Variants in SERAC1 observed in about 807,000 individuals in gnomAD.
SERAC1 encodes serine active site containing 1.
In SERAC1, 36 loss-of-function variants were observed where a neutral mutation model predicts 85.7. That is an observed-to-expected ratio of 0.42 (90% CI 0.32 to 0.55). The LOEUF (loss-of-function observed/expected upper bound fraction) is 0.55, where lower values mean the gene tolerates loss of function less well. SERAC1 is among the 20% of genes least tolerant of loss of function. The pLI is 0.11. For missense variants in SERAC1, 629 were observed against 796.2 expected, an observed-to-expected ratio of 0.79 and a Z score of 2.53; for synonymous variants, 242 against 265.3, an observed-to-expected ratio of 0.91 and a Z score of 0.85.
chr6:158,113,196 G>A (rs1784188569), intron 16 of SERAC1: 2 of 432,952 alleles, frequency 4.6e-6, no homozygotes, highest in Non-Finnish European at 8.1e-6. Context: ...CACTGTTGAT[G>A]CCTAACTTAG....
In SERAC1 at chr6:158,128,170, A is replaced by T; in HGVS notation, c.953T>A (p.Ile318Lys). 1 of 1,614,216 alleles carries T rather than the reference A, an allele frequency of 6.2e-7. No individual in the cohort carries two copies. Among genetic ancestry groups the T allele is most frequent in the Non-Finnish European group, 8.5e-7 (1 of 1,180,018 alleles). ...AGCCATATTTCCAATGACACGCATT[A>T]TATTTCTCTGTACTTTAGGGCAGTC... is the stretch of plus-strand genomic sequence containing the variant. ...HKDCPKVQRN[I>K]MRVIGNMALN... Residue 318 changes from isoleucine to lysine, a missense_variant, in exon 10 of 17, where the codon ATA becomes AAA. Coordinates refer to ENST00000647468, the MANE Select transcript of SERAC1 (RefSeq NM_032861.4).
chr6:158,150,561 G>C lies in SERAC1; in HGVS notation c.157C>G (p.Leu53Val). 2 of 1,599,778 alleles carry C rather than the reference G, an allele frequency of 1.3e-6. No individual in the cohort carries two copies. The highest frequency in any genetic ancestry group is 2.2e-5 in the South Asian group (2 of 90,584). ...GGSLFLTYEVLALKKAVTLDT... is the reference protein window; with the variant it reads ...GGSLFLTYEVVALKKAVTLDT... Reference sequence around the variant, plus strand: ...AATGTCACAGCCTTCTTCAGGGCCAGAACTTCATATGTAAGAAATAAAGAA... The same window carrying C: ...AATGTCACAGCCTTCTTCAGGGCCACAACTTCATATGTAAGAAATAAAGAA... Residue 53 changes from leucine to valine, a missense_variant, in exon 4 of 17, where the codon CTG becomes GTG. Leu to Val is a conservative substitution (Grantham distance 32, BLOSUM62 1). Transcript: ENST00000647468.
chr6:158,112,745 C>T (rs151220024), intron 16 of SERAC1: 30 of 149,670 alleles, frequency 2.0e-4, no homozygotes, highest in African/African-American at 7.2e-4. Context: ...CTAAGCCAGC[C>T]TCAGAGGCAG....
At chr6:158,146,661 T>TC in intron 6 of SERAC1, 121 bp downstream of exon 6, 2 of 1,212,176 alleles carry the variant, frequency 1.6e-6, no homozygotes, top group Non-Finnish European at 2.3e-6. Flanking sequence ...CCAACCAGCG[T>TC]GGCCTCCCAA....
chr6:158,160,621 A>G (rs910716120), intron 1 of SERAC1, among the ~76,000 whole-genome samples: 2 of 152,164 alleles, frequency 1.3e-5, no homozygotes, highest in Admixed American at 6.5e-5. Flanking sequence ...GAATAGATGA[A>G]TTTAATCCAT....
chr6:158,147,667 G>C (rs1460758802), intron 5 of SERAC1, among the ~76,000 whole-genome samples: 4 of 148,684 alleles, frequency 2.7e-5, no homozygotes, highest in African/African-American at 9.9e-5. Context: ...CTACTCGGGA[G>C]GCTGAGGCAG....
At chr6:158,155,067 C>T (rs1785297572) in intron 3 of SERAC1, among the ~76,000 whole-genome samples, 1 of 152,200 alleles carries the variant, frequency 6.6e-6, no homozygotes. Context: ...AAAGTGCTTT[C>T]CTCACAGCAG....
At chr6:158,148,047 A>G (rs889882345) in intron 5 of SERAC1, among the ~76,000 whole-genome samples, 1 of 152,166 alleles carries the variant, frequency 6.6e-6, no homozygotes, top group Non-Finnish European at 1.5e-5. Flanking sequence ...TCTAAAATTC[A>G]GTCTAATTCC....
At chr6:158,134,005 G>A (rs1473074743) in intron 8 of SERAC1, among the ~76,000 whole-genome samples, 1 of 152,178 alleles carries the variant, frequency 6.6e-6, no homozygotes, top group East Asian at 1.9e-4. Flanking sequence ...CACATCTCAT[G>A]TTGCAGCTAT....
chr6:158,133,378 ATTTT>A (rs767768720), intron 8 of SERAC1, among the ~76,000 whole-genome samples: 1 of 66,400 alleles, frequency 1.5e-5, no homozygotes, highest in Non-Finnish European at 2.5e-5. Context: ...TCTGGTGTTA[ATTTT>A]TTTTTTTTTT....
rs753166873 is a variant in SERAC1 at position 158,116,290 on chromosome 6, A to C, written c.1404-8T>G. 1 of 1,610,208 alleles carries C rather than the reference A, an allele frequency of 6.2e-7. No homozygotes were observed. Among genetic ancestry groups the C allele is most frequent in the South Asian group, 1.1e-5 (1 of 90,986 alleles). On this transcript the variant is annotated splice_polypyrimidine_tract_variant and splice_region_variant and intron_variant, in intron 13 of 16. Transcript: ENST00000647468. ...CTGAATGCAATGGACTTTCTGAACA[A>C]AACAAAAACAGCAGGCATGACACAA...
intron 12 of SERAC1, among the ~76,000 whole-genome samples, chr6:158,118,756 AT>A (rs1226434902): frequency 6.6e-6 from 1 of 152,188 alleles, no homozygotes; most frequent in Non-Finnish European, 1.5e-5. Context: ...TTTTTGTATT[AT>A]ATTACAACAA....
intron 7 of SERAC1, among the ~76,000 whole-genome samples, chr6:158,143,849 G>A (rs1188859560): frequency 6.6e-6 from 1 of 152,086 alleles, no homozygotes; most frequent in Admixed American, 6.6e-5. Context: ...AACGTCTGGG[G>A]TCATTTTTGG....
At chr6:158,158,809 C>T (rs566445466) in intron 1 of SERAC1, 26 of 153,664 alleles carry the variant, frequency 1.7e-4, no homozygotes, top group Non-Finnish European at 2.7e-4. Flanking sequence ...TCTATGTGGA[C>T]GGTACACTTA....
intron 4 of SERAC1, 40 bp from the exon 5 acceptor site, chr6:158,148,994 T>A (rs777141995): frequency 6.9e-7 from 1 of 1,453,972 alleles, no homozygotes. Flanking sequence ...AAGAATGTAT[T>A]TTTTTTTTCT....
At chr6:158,111,576 G>A (rs996081087) in intron 16 of SERAC1, 74 bp from the exon 17 acceptor site, 89 of 1,206,438 alleles carry the variant, frequency 7.4e-5, no homozygotes, top group Non-Finnish European at 9.2e-5. Context: ...GAAAGAGGCC[G>A]AATGGGTAGT....
chr6:158,158,379 C>T lies in SERAC1; in HGVS notation c.-1-15G>A. ...CCAGGGACATTCTGTGTAAGTAGAA[C>T]AATTACAACAAATTTAATTTAGCAT... is the stretch of plus-strand genomic sequence containing the variant. On this transcript the variant is annotated splice_polypyrimidine_tract_variant and intron_variant, in intron 1 of 16. Coordinates refer to ENST00000647468, the MANE Select transcript of SERAC1 (RefSeq NM_032861.4). 2 of 1,573,588 alleles carry T rather than the reference C, an allele frequency of 1.3e-6. No homozygotes were observed. Among genetic ancestry groups the T allele is most frequent in the Non-Finnish European group, 1.7e-6 (2 of 1,144,796 alleles).
At position 158,116,276 on chromosome 6, in the gene SERAC1, G is replaced by A; in HGVS notation, c.1410C>T (p.Ser470=). ...WRARCPMERK[S]IAFRSNELLR... The stretch of plus-strand genomic sequence containing the variant: ...GAAGTTCGTTGCTTCTGAATGCAAT[G>A]GACTTTCTGAACAAAACAAAAACAG... The change falls in exon 14 of 17, where the codon TCC becomes TCT. Residue 470 remains serine, a synonymous_variant. Transcript: ENST00000647468. 1.2e-6 allele frequency: 2 copies of A among 1,613,718 alleles called. No homozygotes were observed. The highest frequency in any genetic ancestry group is 8.5e-7 in the Non-Finnish European group (1 of 1,179,744).
At position 158,117,796 on chromosome 6, in the gene SERAC1, G is replaced by C. The variant is rs553879407; in HGVS notation, c.1334C>G (p.Ala445Gly). Residue 445 changes from alanine to glycine, a missense_variant, in exon 13 of 17, where the codon GCT becomes GGT. Coordinates refer to ENST00000647468, the MANE Select transcript of SERAC1 (RefSeq NM_032861.4). The surrounding 1 kb of genome is among the most constrained non-coding windows in gnomAD (Gnocchi z 4.3). Reference protein sequence around the residue: ...PKTWLAKDCPALRIISVEYDT... With the variant: ...PKTWLAKDCPGLRIISVEYDT... Reference sequence around the variant, plus strand: ...ATACTCCACAGATATAATTCGGAGAGCAGGACAGTCTTTTGCTAACCATGT... The same window carrying C: ...ATACTCCACAGATATAATTCGGAGACCAGGACAGTCTTTTGCTAACCATGT... The C allele has an allele frequency of 1.9e-6, 3 of 1,613,922 alleles. No homozygotes were observed. Among genetic ancestry groups the C allele is most frequent in the Non-Finnish European group, 2.5e-6 (3 of 1,179,906 alleles).
Sources: gnomAD v4.1 joint callset for allele counts (sites outside exome capture counted in the v4.1 genomes callset) on GRCh38, gnomAD v4.1.1 for gene constraint, Gnocchi (gnomAD v3.1) non-coding constraint, MANE v1.5 for transcripts, NCBI Gene and HGNC (gene_info 2026-07-23, HGNC 2026-07-21) for gene names.